Variants in PTPRD observed in about 807,000 individuals in gnomAD.
The protein encoded by PTPRD is receptor-type tyrosine-protein phosphatase delta.
Under a neutral mutation model 214.5 loss-of-function variants are expected in PTPRD, and 34 were observed. The ratio of observed to expected loss-of-function variants is 0.16; its 90% confidence interval spans 0.12 to 0.21. The LOEUF (loss-of-function observed/expected upper bound fraction) is 0.21. Among genes scored for constraint, PTPRD ranks in the 10% least tolerant of loss-of-function variants. The pLI is 1.00. For missense variants in PTPRD, 2,545 were observed against 2,398.7 expected, an observed-to-expected ratio of 1.06 and a Z score of -1.27; for synonymous variants, 1,128 against 845.7, an observed-to-expected ratio of 1.33 and a Z score of -5.79.
chr9:8,331,457 T>TTTAAG (rs1236485611), intron 44 of PTPRD, 125 bp downstream of exon 44: 73 of 1,099,370 alleles, frequency 6.6e-5, no homozygotes, highest in African/African-American at 6.6e-4. Flanking sequence ...TCAATCCTGC[T>TTTAAG]TTAAGTTTTG....
At chr9:8,536,590 T>C (rs1025557508) in intron 14 of PTPRD, among the ~76,000 whole-genome samples, 3 of 151,932 alleles carry the variant, frequency 2.0e-5, no homozygotes, top group Non-Finnish European at 2.9e-5. Context: ...GGCTGATAAA[T>C]GTCAAGTAAT....
chr9:8,670,639 T>G (rs1312198022), intron 12 of PTPRD, among the ~76,000 whole-genome samples: 2 of 152,164 alleles, frequency 1.3e-5, no homozygotes, highest in Admixed American at 1.3e-4. Context: ...ATAAAATTTG[T>G]TTTTTAAAAA....
At chr9:9,809,414 C>T (rs1642257986) in intron 5 of PTPRD, among the ~76,000 whole-genome samples, 1 of 151,802 alleles carries the variant, frequency 6.6e-6, no homozygotes, top group Non-Finnish European at 1.5e-5. Context: ...ACTACAGGTG[C>T]CCACCACCAC....
At chr9:8,563,418 A>C in intron 14 of PTPRD, among the ~76,000 whole-genome samples, 1 of 151,638 alleles carries the variant, frequency 6.6e-6, no homozygotes, top group Non-Finnish European at 1.5e-5. Flanking sequence ...TCTCCTACTT[A>C]CAAAGTTTTG....
chr9:10,039,334 C>T (rs1156365139), intron 3 of PTPRD, among the ~76,000 whole-genome samples: 1 of 151,970 alleles, frequency 6.6e-6, no homozygotes, highest in Non-Finnish European at 1.5e-5. Flanking sequence ...TCCCAATTGT[C>T]CATGTCCCTA....
At chr9:10,597,967 C>T (rs2076998542) in intron 2 of PTPRD, among the ~76,000 whole-genome samples, 2 of 151,720 alleles carry the variant, frequency 1.3e-5, no homozygotes, top group South Asian at 4.1e-4. Context: ...AGCATGACGG[C>T]TAATGCATTC....
chr9:10,355,819 G>C (rs1377897065), intron 2 of PTPRD, among the ~76,000 whole-genome samples: 2 of 151,934 alleles, frequency 1.3e-5, no homozygotes, highest in Admixed American at 6.6e-5. Context: ...TTAAAACATA[G>C]AGTATGAAAG....
intron 6 of PTPRD, among the ~76,000 whole-genome samples, chr9:9,750,183 C>T (rs2098503005): frequency 6.6e-6 from 1 of 152,074 alleles, no homozygotes; most frequent in Admixed American, 6.6e-5. Context: ...TAAATGCAAT[C>T]AAAGGTGATG....
intron 9 of PTPRD, among the ~76,000 whole-genome samples, chr9:9,239,494 G>T (rs544669108): frequency 6.6e-6 from 1 of 152,064 alleles, no homozygotes. Flanking sequence ...TTAGTCATGA[G>T]AGCAAGAAAA....
chr9:9,609,540 G>C (rs949457526), intron 7 of PTPRD, among the ~76,000 whole-genome samples: 5 of 152,182 alleles, frequency 3.3e-5, no homozygotes, highest in Non-Finnish European at 7.4e-5. Context: ...TTGGTTCACT[G>C]CAACCTCTGC....
At chr9:10,559,014 G>C (rs1300334219) in intron 2 of PTPRD, among the ~76,000 whole-genome samples, 1 of 152,072 alleles carries the variant, frequency 6.6e-6, no homozygotes, top group South Asian at 2.1e-4. Context: ...TTGTTGGGGA[G>C]GTTTCCACAT....
chr9:9,503,908 A>G lies in PTPRD; in HGVS notation c.-237+70824T>C, dbSNP rs1040720069. 3.9e-5 allele frequency among the ~76,000 whole-genome samples: 6 copies of G among 151,932 alleles called. No individual in the cohort carries two copies. The South Asian group carries it at 1.2e-3, about 31-fold the overall frequency. ...ACTTCTGAGAGGACATCTGCTCAGC[A>G]ACTACATGTCCAACCTTGGAATGGT... On this transcript the variant is annotated intron_variant, in intron 8 of 45. Coordinates refer to ENST00000381196, the MANE Select transcript of PTPRD (RefSeq NM_002839.4).
At chr9:9,364,927 G>C (rs2057429948) in intron 9 of PTPRD, among the ~76,000 whole-genome samples, 1 of 151,392 alleles carries the variant, frequency 6.6e-6, no homozygotes, top group Non-Finnish European at 1.5e-5. Context: ...GGCTTAGACT[G>C]GAGCAGCAGC....
intron 5 of PTPRD, among the ~76,000 whole-genome samples, chr9:9,767,098 C>G (rs934263943): frequency 1.5e-4 from 23 of 151,394 alleles, no homozygotes; most frequent in Admixed American, 3.9e-4. Flanking sequence ...ACTTCTGTTC[C>G]TTTATGTCTT....
At chr9:9,932,691 G>A (rs1446460420) in intron 5 of PTPRD, among the ~76,000 whole-genome samples, 7 of 108,116 alleles carry the variant, frequency 6.5e-5, no homozygotes, top group Non-Finnish European at 1.1e-4. Flanking sequence ...AATCTAGCAA[G>A]GCAGGCCAAC....
At chr9:10,090,225 G>C (rs1198270343) in intron 3 of PTPRD, among the ~76,000 whole-genome samples, 1 of 151,514 alleles carries the variant, frequency 6.6e-6, no homozygotes, top group Admixed American at 6.6e-5. Context: ...AAACAACAGT[G>C]TCAAAAATCT....
intron 4 of PTPRD, among the ~76,000 whole-genome samples, chr9:10,010,229 A>G (rs952562446): frequency 6.6e-6 from 1 of 151,948 alleles, no homozygotes; most frequent in Admixed American, 6.6e-5. Context: ...TCCAAACACC[A>G]TGACCTCAGG....
intron 2 of PTPRD, among the ~76,000 whole-genome samples, chr9:10,437,367 T>C (rs541344218): frequency 2.0e-5 from 3 of 151,936 alleles, no homozygotes; most frequent in Admixed American, 2.0e-4. Context: ...CCCTCCTGAG[T>C]TTCCAGATAC....
intron 11 of PTPRD, among the ~76,000 whole-genome samples, chr9:8,914,638 G>A (rs1403119511): frequency 1.3e-5 from 2 of 151,998 alleles, no homozygotes; most frequent in Non-Finnish European, 2.9e-5. Flanking sequence ...CCATGTTGAG[G>A]GCTGACAATG....
Sources: gnomAD v4.1 joint callset for allele counts (sites outside exome capture counted in the v4.1 genomes callset) on GRCh38, gnomAD v4.1.1 for gene constraint, MANE v1.5 for transcripts, NCBI Gene and HGNC (gene_info 2026-07-23, HGNC 2026-07-21) for gene names.